The following RAI14 variants were observed in gnomAD, a reference collection of about 807,000 sequenced individuals.
RAI14 encodes ankycorbin.
Under a neutral mutation model 115.4 loss-of-function variants are expected in RAI14, and 45 were observed. That is an observed-to-expected ratio of 0.39 (90% CI 0.31 to 0.50). RAI14 has a LOEUF of 0.50. Among genes scored for constraint, RAI14 ranks in the 20% least tolerant of loss-of-function variants. The pLI is 0.85. For missense variants in RAI14, 939 were observed against 1,131.2 expected (o/e 0.83, Z 2.44); for synonymous variants, 371 against 415.4 (o/e 0.89, Z 1.30).
At position 34,725,300 on chromosome 5, in the gene RAI14, T is replaced by C. The variant is rs1404487475; in HGVS notation, c.37-32168T>C. Among the ~76,000 whole-genome samples the C allele has an allele frequency of 2.0e-5, 3 of 152,118 alleles. No individual in the cohort carries two copies. In the East Asian group the frequency reaches 5.8e-4, roughly 30 times the overall value. ...GTCAGTGTCTATGATTTAGGGGTCGTAGAAGACCTGAATGTAATTAGTGAT... is the reference window on the plus strand; with the variant it reads ...GTCAGTGTCTATGATTTAGGGGTCGCAGAAGACCTGAATGTAATTAGTGAT... On this transcript the variant is annotated intron_variant, in intron 2 of 17. Coordinates refer to ENST00000265109, the MANE Select transcript of RAI14 (RefSeq NM_015577.3).
At chr5:34,804,403 C>T (rs371603461) in intron 5 of RAI14, among the ~76,000 whole-genome samples, 8 of 152,170 alleles carry the variant, frequency 5.3e-5, no homozygotes, top group South Asian at 2.1e-4. Flanking sequence ...GCCATCCATA[C>T]GGTAACATCC....
intron 2 of RAI14, among the ~76,000 whole-genome samples, chr5:34,725,836 T>C (rs1743373218): frequency 6.6e-6 from 1 of 151,536 alleles, no homozygotes; most frequent in Non-Finnish European, 1.5e-5. Context: ...TGGTGGCGTA[T>C]GCGTGTAATC....
chr5:34,781,873 G>A (rs1447900872), intron 3 of RAI14, among the ~76,000 whole-genome samples: 1 of 150,434 alleles, frequency 6.6e-6, no homozygotes, highest in African/African-American at 2.5e-5. Context: ...GGGAAATCAG[G>A]GGTCTCACAG....
intron 2 of RAI14, among the ~76,000 whole-genome samples, chr5:34,723,643 T>C (rs1478272533): frequency 6.6e-6 from 1 of 152,236 alleles, no homozygotes; most frequent in African/African-American, 2.4e-5. Context: ...GAGGAAGTGG[T>C]AGTCTGGGCC....
At position 34,823,573 on chromosome 5, in the gene RAI14, G is replaced by A; in HGVS notation, c.1731G>A (p.Glu577=). The change falls in exon 15 of 18, where the codon GAG becomes GAA. Residue 577 remains glutamate (E), a synonymous_variant. Transcript: ENST00000265109. The surrounding 1 kb of genome is among the most constrained non-coding windows in gnomAD (Gnocchi z 4.5). ...TTAAGCCACCTGTGGAAGAGTACGA[G>A]GAAATGAAAAGTTCATATTGCTCTG... ...TVIKPPVEEY[E]EMKSSYCSVI... is the part of the protein sequence containing the mutation. The A allele has an allele frequency of 1.2e-6, 2 of 1,614,128 alleles. No homozygotes were observed. The highest frequency in any genetic ancestry group is 1.3e-5 in the African/African-American group (1 of 75,020).
chr5:34,692,994 C>G (rs1738817815), intron 2 of RAI14, among the ~76,000 whole-genome samples: 1 of 152,156 alleles, frequency 6.6e-6, no homozygotes, highest in African/African-American at 2.4e-5. Context: ...GTGTTTTTGG[C>G]TTGCAGAAGC....
chr5:34,656,358 A>C lies in RAI14; in HGVS notation c.-166A>C, dbSNP rs1474504106. ...CCCCCGCAGCGGGGGAGGAGGAGGG[A>C]CTGCGGCGCAGGAAGCCGAGCAGGA... On this transcript the variant is annotated 5_prime_UTR_variant, in exon 1 of 18. Transcript: ENST00000265109. The C allele has an allele frequency of 1.3e-5, 2 of 151,736 alleles. No individual in the cohort carries two copies. Among genetic ancestry groups the C allele is most frequent in the African/African-American group, 4.8e-5 (2 of 41,312 alleles). 9.4% of individuals were successfully genotyped at this position (151,736 alleles called of 1,614,324 possible).
chr5:34,676,549 C>T (rs1197882887), intron 1 of RAI14, among the ~76,000 whole-genome samples: 6 of 152,068 alleles, frequency 3.9e-5, no homozygotes, highest in African/African-American at 1.4e-4. Flanking sequence ...CTTTGGTAGG[C>T]TTATTGGAGC....
intron 2 of RAI14, among the ~76,000 whole-genome samples, chr5:34,690,480 C>A (rs6451158): frequency 0.45 from 68,301 of 152,068 alleles, 17,571 homozygotes; most frequent in South Asian, 0.64. Context: ...CTGTGAGCAA[C>A]ACCCAGGAGT....
At chr5:34,752,703 A>ATGTGTGTG (rs71600953) in intron 2 of RAI14, among the ~76,000 whole-genome samples, 16 of 83,020 alleles carry the variant, frequency 1.9e-4, no homozygotes, top group Admixed American at 2.4e-4. Context: ...TCTTACATAT[A>ATGTGTGTG]TGTGTGTGTG....
intron 14 of RAI14, among the ~76,000 whole-genome samples, chr5:34,822,656 T>A (rs1400477859): frequency 7.5e-6 from 1 of 134,034 alleles, no homozygotes; most frequent in Non-Finnish European, 1.6e-5. Flanking sequence ...TAACCACGCC[T>A]TTGGTATCTT....
At chr5:34,785,357 T>A (rs758502032) in intron 3 of RAI14, among the ~76,000 whole-genome samples, 2 of 152,060 alleles carry the variant, frequency 1.3e-5, no homozygotes, top group Non-Finnish European at 2.9e-5. Context: ...ACATACCCCG[T>A]TTCATGCATC....
intron 1 of RAI14, among the ~76,000 whole-genome samples, chr5:34,668,262 C>T (rs1249447498): frequency 2.6e-5 from 4 of 152,194 alleles, no homozygotes; most frequent in South Asian, 4.1e-4. Context: ...GGCATGATGG[C>T]GCACGCCTGT....
intron 2 of RAI14, among the ~76,000 whole-genome samples, chr5:34,720,198 G>A (rs1445924652): frequency 1.3e-5 from 2 of 152,016 alleles, no homozygotes; most frequent in Admixed American, 1.3e-4. Context: ...AGCTCACAAA[G>A]TGTTAAACCA....
At chr5:34,786,936 C>A (rs1024497997) in intron 3 of RAI14, among the ~76,000 whole-genome samples, 1 of 152,164 alleles carries the variant, frequency 6.6e-6, no homozygotes. Context: ...TAAAAGTATT[C>A]CTTATGGGAA....
In RAI14 at chr5:34,827,838, C is replaced by T. The variant is rs959596394; in HGVS notation, c.2799+1359C>T. Among the ~76,000 whole-genome samples the T allele has an allele frequency of 6.6e-6, 1 of 152,178 alleles. No individual in the cohort carries two copies. Among genetic ancestry groups the T allele is most frequent in the African/African-American group, 2.4e-5 (1 of 41,420 alleles). On this transcript the variant is annotated intron_variant, in intron 16 of 17. Coordinates refer to ENST00000265109, the MANE Select transcript of RAI14 (RefSeq NM_015577.3). This position sits in a 1 kb window ranked among gnomAD's most constrained non-coding sequence, Gnocchi z 4.2. ...TAAAATGAGTAAGACTCAGTCCCTG[C>T]CCTCAAGGAGTTTATACTCTATATA...
intron 3 of RAI14, among the ~76,000 whole-genome samples, chr5:34,767,708 G>A (rs1749603717): frequency 6.6e-6 from 1 of 151,200 alleles, no homozygotes; most frequent in Admixed American, 6.6e-5. Flanking sequence ...TTTCCTGAGT[G>A]AGTGCTGTCT....
At chr5:34,710,238 T>C (rs992051165) in intron 2 of RAI14, among the ~76,000 whole-genome samples, 1 of 152,032 alleles carries the variant, frequency 6.6e-6, no homozygotes, top group Non-Finnish European at 1.5e-5. Context: ...TAAGGAAGAG[T>C]CCTTCCTTGC....
At chr5:34,829,362 A>G (rs965445456) in intron 16 of RAI14, among the ~76,000 whole-genome samples, 2 of 152,000 alleles carry the variant, frequency 1.3e-5, no homozygotes, top group African/African-American at 4.8e-5. Flanking sequence ...TAATTTTTGT[A>G]TTTTTAGTAG....
Sources: gnomAD v4.1 joint callset for allele counts (sites outside exome capture counted in the v4.1 genomes callset) on GRCh38, gnomAD v4.1.1 for gene constraint, Gnocchi (gnomAD v3.1) non-coding constraint, MANE v1.5 for transcripts, NCBI Gene and HGNC (gene_info 2026-07-23, HGNC 2026-07-21) for gene names.